The following MSI2 variants were observed in gnomAD, a reference collection of about 807,000 sequenced individuals.
The protein encoded by MSI2 is musashi RNA binding protein 2, also known as RNA-binding protein Musashi homolog 2.
MSI2 carries 17 observed loss-of-function variants against 45.6 expected under a neutral mutation model. The observed-to-expected ratio is 0.37, with a 90% CI of 0.26 to 0.56. MSI2 has a LOEUF of 0.56. Ranked by LOEUF, MSI2 falls within the 20% of genes least tolerant of loss-of-function variation. MSI2 has a pLI of 0.77. For synonymous variants in MSI2, 156 were observed against 158.2 expected (o/e 0.99, Z 0.11); for missense variants, 293 against 444.2 (o/e 0.66, Z 3.06).
chr17:57,268,729 G>A (rs1247247633), intron 5 of MSI2, among the ~76,000 whole-genome samples: 2 of 151,978 alleles, frequency 1.3e-5, no homozygotes, highest in Non-Finnish European at 2.9e-5. Context: ...CCAGCTACTC[G>A]GGAGGCTGAG....
intron 5 of MSI2, among the ~76,000 whole-genome samples, chr17:57,363,759 A>G (rs201794609): frequency 7.2e-6 from 1 of 138,376 alleles, no homozygotes; most frequent in Non-Finnish European, 1.6e-5. Context: ...AGCAGCAGCA[A>G]CAACAACAAC....
At chr17:57,507,934 C>T (rs561041047) in intron 6 of MSI2, among the ~76,000 whole-genome samples, 1 of 152,344 alleles carries the variant, frequency 6.6e-6, no homozygotes, top group African/African-American at 2.4e-5. Flanking sequence ...GTGTGAGCCG[C>T]CATGCCTGGC....
At chr17:57,470,168 C>G (rs1002795088) in intron 6 of MSI2, among the ~76,000 whole-genome samples, 1 of 152,202 alleles carries the variant, frequency 6.6e-6, no homozygotes, top group Non-Finnish European at 1.5e-5. Flanking sequence ...CCTGATCTGT[C>G]TTCTCCAGTA....
At chr17:57,622,921 T>C (rs1704871755) in intron 9 of MSI2, among the ~76,000 whole-genome samples, 1 of 152,196 alleles carries the variant, frequency 6.6e-6, no homozygotes, top group Non-Finnish European at 1.5e-5. Context: ...TAGAACTTCC[T>C]GCAAGGGAGG....
intron 8 of MSI2, chr17:57,608,315 G>C (rs1906863325): frequency 6.6e-6 from 1 of 152,432 alleles, no homozygotes; most frequent in Non-Finnish European, 1.5e-5. Context: ...CAACAGGATG[G>C]AATTGAAACC....
In MSI2 at chr17:57,459,900, G is replaced by A. The variant is rs546113332; in HGVS notation, c.405+58429G>A. Among the ~76,000 whole-genome samples, 7 of 152,010 alleles carry A rather than the reference G, an allele frequency of 4.6e-5. No individual in the cohort carries two copies. The South Asian group carries it at 1.0e-3, about 23-fold the overall frequency. Reference sequence around the variant, plus strand: ...TCTCAGCACTTTGGAAGGCTGAGGCGGGCAGATCACCTGAGGTCAGGAGTT... The same window carrying A: ...TCTCAGCACTTTGGAAGGCTGAGGCAGGCAGATCACCTGAGGTCAGGAGTT... On this transcript the variant is annotated intron_variant, in intron 6 of 13. Transcript: ENST00000284073.
At chr17:57,663,465 C>T (rs1041103313) in intron 11 of MSI2, among the ~76,000 whole-genome samples, 4 of 152,162 alleles carry the variant, frequency 2.6e-5, no homozygotes, top group African/African-American at 7.2e-5. Context: ...GCCCCTCTTT[C>T]GGGAAGTTAT....
At chr17:57,356,849 G>A (rs1916458632) in intron 5 of MSI2, among the ~76,000 whole-genome samples, 1 of 151,944 alleles carries the variant, frequency 6.6e-6, no homozygotes, top group Non-Finnish European at 1.5e-5. Flanking sequence ...AAAATTCTTC[G>A]TTGCAGCTAA....
At chr17:57,387,913 CTT>C (rs2083713185) in intron 5 of MSI2, among the ~76,000 whole-genome samples, 1 of 152,188 alleles carries the variant, frequency 6.6e-6, no homozygotes, top group South Asian at 2.1e-4. Flanking sequence ...TGTGTTATCT[CTT>C]TTAATACTAT....
At chr17:57,402,055 A>C (rs2143103028) in intron 6 of MSI2, among the ~76,000 whole-genome samples, 1 of 152,334 alleles carries the variant, frequency 6.6e-6, no homozygotes, top group African/African-American at 2.4e-5. Context: ...GGACCAACCC[A>C]AGAGCCCCAC....
intron 11 of MSI2, among the ~76,000 whole-genome samples, chr17:57,662,035 CAA>C (rs756096775): frequency 1.6e-4 from 25 of 152,222 alleles, no homozygotes; most frequent in Non-Finnish European, 3.2e-4. Flanking sequence ...CTCCCGGCGG[CAA>C]AGTCAGCCTA....
intron 6 of MSI2, among the ~76,000 whole-genome samples, chr17:57,451,847 C>T (rs1317059477): frequency 6.6e-6 from 1 of 152,154 alleles, no homozygotes; most frequent in Non-Finnish European, 1.5e-5. Flanking sequence ...CCAGTAGAGG[C>T]AGTTTGGTCT....
chr17:57,652,130 A>G lies in MSI2; in HGVS notation c.759A>G (p.Ala253=), dbSNP rs772392843. ...GFPAAAYGPV[A]AAAVAAARGS... is the part of the protein sequence containing the mutation. ...CAGCAGCGGCTTATGGACCAGTGGC[A>G]GCAGCGGCGGTGGCGGCAGCAAGAG... The change falls in exon 11 of 14, where the codon GCA becomes GCG. Residue 253 remains alanine, a synonymous_variant. Coordinates refer to ENST00000284073, the MANE Select transcript of MSI2 (RefSeq NM_138962.4). The surrounding 1 kb of genome is among the most constrained non-coding windows in gnomAD (Gnocchi z 4.1). 6.2e-7 allele frequency: 1 copy of G among 1,614,084 alleles called. No homozygotes were observed. Among genetic ancestry groups the G allele is most frequent in the South Asian group, 1.1e-5 (1 of 91,070 alleles).
intron 5 of MSI2, among the ~76,000 whole-genome samples, chr17:57,275,999 T>C (rs1304377690): frequency 6.6e-6 from 1 of 152,128 alleles, no homozygotes; most frequent in African/African-American, 2.4e-5. Flanking sequence ...AGAAAGAGTC[T>C]TGGGGGAGCA....
At chr17:57,553,153 G>GC (rs112960562) in intron 7 of MSI2, among the ~76,000 whole-genome samples, 19,284 of 152,160 alleles carry the variant, frequency 0.13, 1,298 homozygotes, top group Middle Eastern at 0.18. Flanking sequence ...TAGAGCATGA[G>GC]CCCCCCAAGG....
chr17:57,535,699 T>A (rs2086906724), intron 7 of MSI2, among the ~76,000 whole-genome samples: 1 of 151,968 alleles, frequency 6.6e-6, no homozygotes, highest in Admixed American at 6.6e-5. Flanking sequence ...TTTCCCAGAG[T>A]GGCTGTGGTT....
chr17:57,505,195 T>G (rs1186177336), intron 6 of MSI2, among the ~76,000 whole-genome samples: 1 of 152,156 alleles, frequency 6.6e-6, no homozygotes, highest in East Asian at 1.9e-4. Context: ...AGCCTGCTGC[T>G]CTGGGGACAG....
At chr17:57,377,131 A>G (rs1379372508) in intron 5 of MSI2, among the ~76,000 whole-genome samples, 2 of 152,144 alleles carry the variant, frequency 1.3e-5, no homozygotes, top group African/African-American at 2.4e-5. Flanking sequence ...TGTGTTTACC[A>G]GGATGGTCTC....
At chr17:57,263,073 A>G (rs1342310655) in intron 5 of MSI2, among the ~76,000 whole-genome samples, 2 of 152,222 alleles carry the variant, frequency 1.3e-5, no homozygotes, top group Non-Finnish European at 2.9e-5. Context: ...TCTAAGTCGG[A>G]AAAGGTTGTG....
Sources: gnomAD v4.1 joint callset for allele counts (sites outside exome capture counted in the v4.1 genomes callset) on GRCh38, gnomAD v4.1.1 for gene constraint, Gnocchi (gnomAD v3.1) non-coding constraint, MANE v1.5 for transcripts, NCBI Gene and HGNC (gene_info 2026-07-23, HGNC 2026-07-21) for gene names.